Variants in TENM2 observed in about 807,000 individuals in gnomAD.
TENM2 encodes the protein teneurin transmembrane protein 2.
Under a neutral mutation model 245.2 loss-of-function variants are expected in TENM2, and 52 were observed. That is an observed-to-expected ratio of 0.21 (90% CI 0.17 to 0.27). The LOEUF is 0.27. Ranked by LOEUF, TENM2 falls within the 10% of genes least tolerant of loss-of-function variation. The pLI, the probability that TENM2 is intolerant of heterozygous loss-of-function variation, is 1.00. For missense variants in TENM2, 3,046 were observed against 3,666.8 expected, an observed-to-expected ratio of 0.83 and a Z score of 4.37; for synonymous variants, 1,363 against 1,438.9, an observed-to-expected ratio of 0.95 and a Z score of 1.19.
chr5:167,777,713 T>C (rs1472117747), intron 2 of TENM2, among the ~76,000 whole-genome samples: 1 of 152,242 alleles, frequency 6.6e-6, no homozygotes, highest in East Asian at 1.9e-4. Flanking sequence ...GCATGTGATA[T>C]GTTAAGTGCT....
intron 2 of TENM2, among the ~76,000 whole-genome samples, chr5:167,557,007 G>T (rs1773300598): frequency 6.6e-6 from 1 of 152,142 alleles, no homozygotes; most frequent in African/African-American, 2.4e-5. Flanking sequence ...AAAATGTTAA[G>T]TTTTTTATTG....
intron 3 of TENM2, among the ~76,000 whole-genome samples, chr5:167,913,013 A>T (rs1396717154): frequency 6.6e-6 from 1 of 152,158 alleles, no homozygotes. Flanking sequence ...TGACAGGGCT[A>T]TCTCTTAAAA....
intron 2 of TENM2, among the ~76,000 whole-genome samples, chr5:167,656,333 A>G (rs907074017): frequency 3.9e-5 from 6 of 152,138 alleles, no homozygotes; most frequent in Non-Finnish European, 8.8e-5. Flanking sequence ...ATAAATACTC[A>G]TTGAATCTTT....
At chr5:167,161,786 C>T in the TENM2 span, among the ~76,000 whole-genome samples, 1 of 152,134 alleles carries the variant, frequency 6.6e-6, no homozygotes, top group South Asian at 2.1e-4. Flanking sequence ...CTTGCAAGAG[C>T]TGGGTGGATG....
chr5:167,745,397 A>G lies in TENM2; in HGVS notation c.503-130589A>G, dbSNP rs535458019. On this transcript the variant is annotated intron_variant, in intron 2 of 28. Transcript: ENST00000518659. Reference sequence around the variant, plus strand: ...AGAAGCCAGTGTCTCCATGCTGGCTATGGTGTGGAGCTCCATCGTAAGCCT... The same window carrying G: ...AGAAGCCAGTGTCTCCATGCTGGCTGTGGTGTGGAGCTCCATCGTAAGCCT... 9.6e-4 allele frequency among the ~76,000 whole-genome samples: 147 copies of G among 152,334 alleles called. 1 individual carries two copies. Among genetic ancestry groups the G allele is most frequent in the African/African-American group, 3.3e-3 (137 of 41,596 alleles).
chr5:167,741,147 G>T (rs979114721), intron 2 of TENM2, among the ~76,000 whole-genome samples: 3 of 152,118 alleles, frequency 2.0e-5, no homozygotes, highest in Admixed American at 2.0e-4. Flanking sequence ...AAGTGATTTT[G>T]CCCACTCCAC....
intron 2 of TENM2, among the ~76,000 whole-genome samples, chr5:167,832,209 A>T (rs1768562887): frequency 6.6e-6 from 1 of 152,238 alleles, no homozygotes; most frequent in Non-Finnish European, 1.5e-5. Context: ...GAAAGTATTT[A>T]GAGGCAAAGA....
chr5:167,337,196 G>C (rs115360612), intron 1 of TENM2, among the ~76,000 whole-genome samples: 3,341 of 149,856 alleles, frequency 0.022, 61 homozygotes, highest in Middle Eastern at 0.043. Flanking sequence ...TTTCAGATAA[G>C]GGATACTCAA....
At chr5:167,047,627 CAA>C in the TENM2 span, among the ~76,000 whole-genome samples, 8 of 152,104 alleles carry the variant, frequency 5.3e-5, no homozygotes, top group Non-Finnish European at 1.0e-4. Context: ...TATTAGGTGT[CAA>C]GAGAGAGGCT....
At chr5:167,713,915 A>C (rs1252345026) in intron 2 of TENM2, among the ~76,000 whole-genome samples, 1 of 152,166 alleles carries the variant, frequency 6.6e-6, no homozygotes, top group Non-Finnish European at 1.5e-5. Flanking sequence ...ATTGTTCAGA[A>C]TATGCTATCT....
the TENM2 span, among the ~76,000 whole-genome samples, chr5:167,121,740 T>G: frequency 6.6e-6 from 1 of 152,208 alleles, no homozygotes. Context: ...AGGAAACTCC[T>G]TGATTATAAC....
chr5:167,243,389 G>A, the TENM2 span, among the ~76,000 whole-genome samples: 22,235 of 151,962 alleles, frequency 0.15, 2,403 homozygotes, highest in African/African-American at 0.31. Context: ...TAGGAATTGC[G>A]GGTCATGGGA....
chr5:167,079,951 T>C, the TENM2 span, among the ~76,000 whole-genome samples: 1 of 152,210 alleles, frequency 6.6e-6, no homozygotes, highest in Non-Finnish European at 1.5e-5. Context: ...TCTACAACCA[T>C]GTCTTAAAGT....
chr5:167,346,466 G>A (rs893770208), intron 1 of TENM2, among the ~76,000 whole-genome samples: 4 of 152,156 alleles, frequency 2.6e-5, no homozygotes, highest in Non-Finnish European at 5.9e-5. Context: ...ATGTACAAAT[G>A]TTTTCTCTTA....
the TENM2 span, among the ~76,000 whole-genome samples, chr5:167,149,661 T>G: frequency 6.6e-6 from 1 of 152,190 alleles, no homozygotes; most frequent in African/African-American, 2.4e-5. Context: ...CTGCTCTTCC[T>G]GATCCATTTT....
At chr5:168,071,720 G>C (rs896809804) in intron 7 of TENM2, among the ~76,000 whole-genome samples, 2 of 151,870 alleles carry the variant, frequency 1.3e-5, no homozygotes, top group Non-Finnish European at 2.9e-5. Context: ...TAATTTCCTT[G>C]TGATGAATTC....
At chr5:168,190,516 A>T in exon 14 of TENM2, 5 of 1,613,988 alleles carry the variant, frequency 3.1e-6, no homozygotes, top group Non-Finnish European at 4.2e-6. Flanking sequence ...TAGCACCCAC[A>T]TCATTCCTGG....
intron 3 of TENM2, among the ~76,000 whole-genome samples, chr5:167,922,709 C>A (rs1182530641): frequency 6.6e-6 from 1 of 152,202 alleles, no homozygotes; most frequent in Non-Finnish European, 1.5e-5. Context: ...GTTCCCTCCT[C>A]CTTAATTATC....
intron 7 of TENM2, among the ~76,000 whole-genome samples, chr5:168,067,225 TTAAAAG>T (rs781081905): frequency 2.9e-4 from 44 of 152,236 alleles, no homozygotes; most frequent in Non-Finnish European, 4.9e-4. Flanking sequence ...AGCAAGTTGA[TTAAAAG>T]AGATTCTAGG....
Sources: allele counts gnomAD v4.1 joint callset (sites outside exome capture counted in the v4.1 genomes callset), GRCh38; gene constraint gnomAD v4.1.1; transcripts MANE v1.5; gene names NCBI Gene and HGNC (gene_info 2026-07-23, HGNC 2026-07-21).